Variants in CFAP299 observed in about 807,000 individuals in gnomAD.
The protein encoded by CFAP299 is cilia- and flagella-associated protein 299.
CFAP299 carries 21 observed loss-of-function variants against 27.0 expected under a neutral mutation model. That is an observed-to-expected ratio of 0.78 (90% confidence interval 0.55 to 1.12). The LOEUF (loss-of-function observed/expected upper bound fraction) is 1.12. Ranked by LOEUF, CFAP299 falls within the 50% of genes most tolerant of loss-of-function variation. CFAP299 has a pLI of 0.00. For synonymous variants in CFAP299, 104 were observed against 98.1 expected (o/e 1.06, Z -0.36); for missense variants, 310 against 276.6 (o/e 1.12, Z -0.86).
chr4:80,473,925 A>C (rs1276820179), intron 2 of CFAP299, among the ~76,000 whole-genome samples: 1 of 152,162 alleles, frequency 6.6e-6, no homozygotes, highest in East Asian at 1.9e-4. Flanking sequence ...GGCTACCTAA[A>C]AAATTGTACT....
rs186648872 is a variant in CFAP299, at chr4:80,400,898, G to T, written c.242+38014G>T. ...ATGCTGACAGTGATATAGACAATAA[G>T]GTCCAGGCTGAGATGGTCTTAGATG... On this transcript the variant is annotated intron_variant, in intron 2 of 5. Transcript: ENST00000358105. Among the ~76,000 whole-genome samples, 712 of 152,274 alleles carry T rather than the reference G, an allele frequency of 4.7e-3. 13 individuals are homozygous for T. The highest frequency in any genetic ancestry group is 0.044 in the Admixed American group (675 of 15,286).
At chr4:80,672,776 C>A (rs1354892004) in intron 3 of CFAP299, among the ~76,000 whole-genome samples, 1 of 152,112 alleles carries the variant, frequency 6.6e-6, no homozygotes, top group Non-Finnish European at 1.5e-5. Context: ...TCTAGATTTT[C>A]TAGTTTATTT....
At chr4:80,351,303 G>A (rs962007756) in intron 1 of CFAP299, among the ~76,000 whole-genome samples, 3 of 152,108 alleles carry the variant, frequency 2.0e-5, no homozygotes, top group African/African-American at 7.2e-5. Context: ...ATTGCATTTT[G>A]TGGTTTATAA....
intron 4 of CFAP299, among the ~76,000 whole-genome samples, chr4:80,886,979 G>A (rs1460605479): frequency 2.6e-5 from 4 of 151,958 alleles, no homozygotes; most frequent in East Asian, 3.9e-4. Flanking sequence ...AATTGATCAA[G>A]CAGAAGAAAG....
intron 2 of CFAP299, among the ~76,000 whole-genome samples, chr4:80,484,820 A>T (rs1464435857): frequency 6.6e-6 from 1 of 152,166 alleles, no homozygotes; most frequent in Non-Finnish European, 1.5e-5. Flanking sequence ...TATAGTTGTG[A>T]TAGAGGAAAA....
intron 2 of CFAP299, chr4:80,386,598 G>T: frequency 6.3e-7 from 1 of 1,598,092 alleles, no homozygotes; most frequent in Non-Finnish European, 8.6e-7. Flanking sequence ...TATTTGTGGC[G>T]GAAAAAGCCC....
In CFAP299 at chr4:80,397,451, C is replaced by A. The variant is rs190158287; in HGVS notation, c.242+34567C>A. Among the ~76,000 whole-genome samples the A allele has an allele frequency of 2.4e-3, 361 of 152,190 alleles. 2 individuals carry two copies. Among genetic ancestry groups the A allele is most frequent in the African/African-American group, 7.9e-3 (329 of 41,532 alleles). On this transcript the variant is annotated intron_variant, in intron 2 of 5. Coordinates refer to ENST00000358105, the MANE Select transcript of CFAP299 (RefSeq NM_152770.3). ...TTTGAATGTGTTTGCTCTTGCTTCT[C>A]TAGTTCTTTTAATTGTGATGTTAGG...
At chr4:80,814,312 G>A (rs1398148169) in intron 3 of CFAP299, among the ~76,000 whole-genome samples, 1 of 151,996 alleles carries the variant, frequency 6.6e-6, no homozygotes, top group African/African-American at 2.4e-5. Context: ...TTAAAAGCAC[G>A]TGCCTGTTTT....
At chr4:80,402,013 A>G (rs1426682436) in intron 2 of CFAP299, among the ~76,000 whole-genome samples, 2 of 152,008 alleles carry the variant, frequency 1.3e-5, no homozygotes, top group Non-Finnish European at 2.9e-5. Context: ...GGGCCCTGTA[A>G]CCCCTTTGTT....
chr4:80,824,755 T>C (rs1729892170), intron 3 of CFAP299, among the ~76,000 whole-genome samples: 1 of 151,926 alleles, frequency 6.6e-6, no homozygotes, highest in Non-Finnish European at 1.5e-5. Context: ...AAATGAAACA[T>C]AATGAAGACA....
At chr4:80,765,544 T>G (rs1375239360) in intron 3 of CFAP299, among the ~76,000 whole-genome samples, 1 of 151,990 alleles carries the variant, frequency 6.6e-6, no homozygotes, top group Admixed American at 6.6e-5. Context: ...AATAGTATTT[T>G]TAAATGAATA....
chr4:80,891,772 A>AT (rs1734293504), intron 4 of CFAP299, among the ~76,000 whole-genome samples: 1 of 114,394 alleles, frequency 8.7e-6, no homozygotes, highest in Non-Finnish European at 1.6e-5. Context: ...TAATAAAAAA[A>AT]AAAATTAAAA....
intron 3 of CFAP299, among the ~76,000 whole-genome samples, chr4:80,842,366 A>G (rs924044522): frequency 1.3e-5 from 2 of 152,110 alleles, no homozygotes; most frequent in African/African-American, 4.8e-5. Flanking sequence ...GGAGAATGGC[A>G]CTAGAGAACA....
At chr4:80,390,522 T>TATATATGTATATATGTATACACAC (rs59943395) in intron 2 of CFAP299, among the ~76,000 whole-genome samples, 16 of 39,952 alleles carry the variant, frequency 4.0e-4, no homozygotes, top group African/African-American at 5.2e-4. Flanking sequence ...CACATATATG[T>TATATATGTATATATGTATACACAC]ATATATGTAT....
intron 3 of CFAP299, among the ~76,000 whole-genome samples, chr4:80,738,524 G>T (rs1375024517): frequency 6.6e-6 from 1 of 151,952 alleles, no homozygotes; most frequent in East Asian, 1.9e-4. Context: ...CTTGAAATCT[G>T]TTTTGTCTGG....
At chr4:80,591,739 A>G (rs1736801615) in intron 3 of CFAP299, among the ~76,000 whole-genome samples, 1 of 152,180 alleles carries the variant, frequency 6.6e-6, no homozygotes, top group African/African-American at 2.4e-5. Context: ...TAATATACCC[A>G]TGTATCTGTC....
At chr4:80,777,156 C>T (rs1160112515) in intron 3 of CFAP299, among the ~76,000 whole-genome samples, 1 of 152,102 alleles carries the variant, frequency 6.6e-6, no homozygotes, top group East Asian at 1.9e-4. Context: ...GACTAAATTT[C>T]CCCTATTCTG....
chr4:80,695,063 A>G (rs967230279), intron 3 of CFAP299, among the ~76,000 whole-genome samples: 1 of 152,184 alleles, frequency 6.6e-6, no homozygotes, highest in East Asian at 1.9e-4. Flanking sequence ...GCATCATTTT[A>G]AAAAATGAAG....
chr4:80,902,397 TA>T (rs1734946712), intron 4 of CFAP299, among the ~76,000 whole-genome samples: 1 of 137,274 alleles, frequency 7.3e-6, no homozygotes, highest in Non-Finnish European at 1.5e-5. Flanking sequence ...ATATATGAAA[TA>T]TACTTTATAT....
Sources: allele counts gnomAD v4.1 joint callset (sites outside exome capture counted in the v4.1 genomes callset), GRCh38; gene constraint gnomAD v4.1.1; transcripts MANE v1.5; gene names NCBI Gene and HGNC (gene_info 2026-07-23, HGNC 2026-07-21).